FAF1: variants seen among roughly 807,000 people sequenced by gnomAD.
FAF1 encodes FAS-associated factor 1.
FAF1 carries 25 observed loss-of-function variants against 92.5 expected under a neutral mutation model. The observed-to-expected ratio is 0.27, with a 90% CI of 0.20 to 0.38. FAF1 has a LOEUF of 0.38. FAF1 is among the 10% of genes least tolerant of loss of function. The pLI, the probability that FAF1 is intolerant of heterozygous loss-of-function variation, is 1.00. For missense variants in FAF1, 636 were observed against 793.3 expected, an observed-to-expected ratio of 0.80 and a Z score of 2.38; for synonymous variants, 234 against 273.2, an observed-to-expected ratio of 0.86 and a Z score of 1.42.
chr1:50,850,916 A>G (rs1237448276), intron 2 of FAF1, among the ~76,000 whole-genome samples: 1 of 152,136 alleles, frequency 6.6e-6, no homozygotes, highest in Non-Finnish European at 1.5e-5. Flanking sequence ...AAGGCATCAT[A>G]TTTACAGGTG....
intron 6 of FAF1, among the ~76,000 whole-genome samples, chr1:50,730,276 AATTT>A (rs1171546220): frequency 2.0e-5 from 3 of 151,998 alleles, no homozygotes; most frequent in East Asian, 1.9e-4. Context: ...ATTTTGAAAT[AATTT>A]ATTAATTTAT....
chr1:50,518,537 T>C (rs953043020), intron 15 of FAF1, among the ~76,000 whole-genome samples: 23 of 151,734 alleles, frequency 1.5e-4, no homozygotes, highest in African/African-American at 5.6e-4. Flanking sequence ...GCCTCCCGGG[T>C]TCACGCCATT....
Position 50,587,469 on chromosome 1 carries a change from C to T in FAF1, c.841-2658G>A, listed in dbSNP as rs374838455. Among the ~76,000 whole-genome samples the T allele has an allele frequency of 1.8e-4, 28 of 152,068 alleles. No individual in the cohort carries two copies. In the South Asian group the frequency reaches 4.6e-3, roughly 25 times the overall value. ...CAGTCTCTTCATATTTTTTTATCAG[C>T]CATCTAACAGGTTAGAAAAAGCTTT... On this transcript the variant is annotated intron_variant, in intron 9 of 18. Coordinates refer to ENST00000396153, the MANE Select transcript of FAF1 (RefSeq NM_007051.3).
intron 2 of FAF1, among the ~76,000 whole-genome samples, chr1:50,830,051 G>A (rs561185834): frequency 3.3e-5 from 5 of 152,298 alleles, no homozygotes; most frequent in African/African-American, 1.2e-4. Context: ...GATTAACACA[G>A]TATGTCTAAC....
intron 7 of FAF1, among the ~76,000 whole-genome samples, chr1:50,678,161 T>C (rs942043204): frequency 1.3e-5 from 2 of 152,194 alleles, no homozygotes; most frequent in East Asian, 1.9e-4. Context: ...GTGGTTTCAA[T>C]AGAGTACAGT....
intron 7 of FAF1, among the ~76,000 whole-genome samples, chr1:50,694,057 T>C (rs1292298095): frequency 2.0e-5 from 3 of 151,352 alleles, no homozygotes; most frequent in African/African-American, 7.3e-5. Context: ...ATGTATGACA[T>C]ATATATGACA....
At chr1:50,506,420 C>G (rs919860425) in intron 15 of FAF1, among the ~76,000 whole-genome samples, 22 of 152,100 alleles carry the variant, frequency 1.4e-4, no homozygotes, top group African/African-American at 5.3e-4. Flanking sequence ...CATCCTTTAT[C>G]CTTGGCCTGG....
At chr1:50,869,116 C>T (rs1035644365) in intron 1 of FAF1, among the ~76,000 whole-genome samples, 2 of 152,032 alleles carry the variant, frequency 1.3e-5, no homozygotes, top group South Asian at 2.1e-4. Flanking sequence ...GATTCTCCCG[C>T]GATTATGTTT....
chr1:50,681,782 G>A (rs112982684), intron 7 of FAF1, among the ~76,000 whole-genome samples: 3,025 of 151,662 alleles, frequency 0.02, 100 homozygotes, highest in African/African-American at 0.07. Flanking sequence ...GCCTCCCAAA[G>A]TGCTGGCATT....
At chr1:50,546,197 T>C (rs760766669) in intron 13 of FAF1, among the ~76,000 whole-genome samples, 6 of 152,114 alleles carry the variant, frequency 3.9e-5, no homozygotes, top group African/African-American at 1.2e-4. Flanking sequence ...AATAAAATTA[T>C]AGTATATTAT....
At chr1:50,815,790 G>A (rs1643965953) in intron 2 of FAF1, among the ~76,000 whole-genome samples, 1 of 152,062 alleles carries the variant, frequency 6.6e-6, no homozygotes, top group Non-Finnish European at 1.5e-5. Context: ...TTGGGAGGCC[G>A]AGACGGGCGG....
chr1:50,884,385 G>A (rs894515971), intron 1 of FAF1, among the ~76,000 whole-genome samples: 5 of 150,648 alleles, frequency 3.3e-5, no homozygotes, highest in South Asian at 2.1e-4. Flanking sequence ...AAAATTAGCC[G>A]GGCATGGTGA....
chr1:50,468,369 T>C (rs1460902104), intron 18 of FAF1, among the ~76,000 whole-genome samples: 1 of 151,740 alleles, frequency 6.6e-6, no homozygotes, highest in Non-Finnish European at 1.5e-5. Flanking sequence ...CTTGGCTCAC[T>C]GCAACCTCCG....
At chr1:50,777,924 T>C (rs1271114179) in intron 4 of FAF1, among the ~76,000 whole-genome samples, 3 of 152,126 alleles carry the variant, frequency 2.0e-5, no homozygotes, top group African/African-American at 4.8e-5. Context: ...TAAACAAACA[T>C]ATATCTTCAC....
chr1:50,563,797 G>C (rs574635820), intron 13 of FAF1, among the ~76,000 whole-genome samples: 1 of 152,202 alleles, frequency 6.6e-6, no homozygotes, highest in South Asian at 2.1e-4. Flanking sequence ...TTCATATTTG[G>C]AATGTTCTAA....
At chr1:50,751,252 A>T (rs1393247932) in intron 4 of FAF1, among the ~76,000 whole-genome samples, 1 of 151,932 alleles carries the variant, frequency 6.6e-6, no homozygotes, top group Non-Finnish European at 1.5e-5. Flanking sequence ...GTTGATAATG[A>T]AATACTAAAT....
chr1:50,806,504 C>G (rs1662207644), intron 2 of FAF1, among the ~76,000 whole-genome samples: 1 of 152,140 alleles, frequency 6.6e-6, no homozygotes, highest in Admixed American at 6.5e-5. Context: ...CTGCTTCCAC[C>G]ACTACCCCAC....
chr1:50,582,596 GAAAAGGTCA>G lies in FAF1; in HGVS notation c.1113+13_1113+21del. The G allele has an allele frequency of 6.5e-7, 1 of 1,534,648 alleles. No individual in the cohort carries two copies. The highest frequency in any genetic ancestry group is 9.0e-7 in the Non-Finnish European group (1 of 1,108,256). On this transcript the variant is annotated intron_variant, in intron 12 of 18. Coordinates refer to ENST00000396153, the MANE Select transcript of FAF1 (RefSeq NM_007051.3). The stretch of plus-strand genomic sequence containing the variant: ...ACCTGTGGGATGCACTTTTTAATCA[GAAAAGGTCA>G]AACTGTACTTACATCTCGGGCTTTC...
At chr1:50,747,473 T>A (rs1234803875) in intron 4 of FAF1, among the ~76,000 whole-genome samples, 2 of 152,232 alleles carry the variant, frequency 1.3e-5, no homozygotes, top group Non-Finnish European at 2.9e-5. Flanking sequence ...CCTTTTGGAA[T>A]GGGAGTATTT....
Sources: gnomAD v4.1 joint callset for allele counts (sites outside exome capture counted in the v4.1 genomes callset) on GRCh38, gnomAD v4.1.1 for gene constraint, MANE v1.5 for transcripts, NCBI Gene and HGNC (gene_info 2026-07-23, HGNC 2026-07-21) for gene names.